Variants in NRXN3 observed in about 807,000 individuals in gnomAD.
NRXN3 encodes neurexin III.
In NRXN3, 32 loss-of-function variants were observed where a neutral mutation model predicts 137.6. The observed-to-expected ratio is 0.23, with a 90% CI of 0.18 to 0.31. NRXN3 has a LOEUF of 0.31. Ranked by LOEUF, NRXN3 falls within the 10% of genes least tolerant of loss-of-function variation. NRXN3 has a pLI of 1.00. For synonymous variants in NRXN3, 798 were observed against 784.5 expected, an observed-to-expected ratio of 1.02 and a Z score of -0.29; for missense variants, 1,574 against 2,062.5, an observed-to-expected ratio of 0.76 and a Z score of 4.59.
chr14:79,267,577 T>C (rs900581597), intron 15 of NRXN3, among the ~76,000 whole-genome samples: 2 of 151,796 alleles, frequency 1.3e-5, no homozygotes, highest in Non-Finnish European at 2.9e-5. Flanking sequence ...AGGCTGGTCT[T>C]GAACTCCTGG....
At chr14:79,094,596 A>G (rs1384465726) in intron 15 of NRXN3, among the ~76,000 whole-genome samples, 3 of 152,222 alleles carry the variant, frequency 2.0e-5, no homozygotes, top group Non-Finnish European at 2.9e-5. Context: ...CTAAGGGATT[A>G]GTATCTTCTG....
intron 16 of NRXN3, among the ~76,000 whole-genome samples, chr14:79,537,045 A>G (rs1304976440): frequency 2.0e-5 from 3 of 152,188 alleles, no homozygotes; most frequent in Non-Finnish European, 4.4e-5. Flanking sequence ...ACTGTTTTCC[A>G]TAATGTTTGA....
intron 4 of NRXN3, among the ~76,000 whole-genome samples, chr14:78,448,488 T>G (rs1185298771): frequency 3.9e-5 from 6 of 152,212 alleles, no homozygotes; most frequent in Non-Finnish European, 8.8e-5. Flanking sequence ...AAGCAGGAGC[T>G]GCTAAAACAC....
chr14:78,359,212 C>G (rs1003056901), intron 4 of NRXN3, among the ~76,000 whole-genome samples: 4 of 152,132 alleles, frequency 2.6e-5, no homozygotes, highest in Non-Finnish European at 5.9e-5. Context: ...TCAACCTTGG[C>G]TGCACATTGG....
At chr14:79,219,833 G>A (rs917501571) in intron 15 of NRXN3, among the ~76,000 whole-genome samples, 5 of 152,140 alleles carry the variant, frequency 3.3e-5, no homozygotes, top group Non-Finnish European at 5.9e-5. Flanking sequence ...TTAGTTTAAT[G>A]ATGCTATAGA....
chr14:79,316,113 T>TCA (rs1211109583), intron 15 of NRXN3, among the ~76,000 whole-genome samples: 1 of 152,122 alleles, frequency 6.6e-6, no homozygotes, highest in Non-Finnish European at 1.5e-5. Context: ...TCTTATTTCT[T>TCA]CACACACACA....
chr14:79,853,929 G>T, intron 20 of NRXN3: 2 of 990,874 alleles, frequency 2.0e-6, no homozygotes, highest in African/African-American at 1.7e-5. Context: ...TTCAAAAATT[G>T]ATGCCCTCCC....
rs113749205 is a variant in NRXN3, at chr14:78,518,194, C to T, written c.758-126926C>T. 6.6e-3 allele frequency among the ~76,000 whole-genome samples: 1,008 copies of T among 152,212 alleles called. 8 individuals are homozygous for T. The highest frequency in any genetic ancestry group is 0.023 in the African/African-American group (950 of 41,528). On this transcript the variant is annotated intron_variant, in intron 4 of 20. Coordinates refer to ENST00000335750, the MANE Select transcript of NRXN3 (RefSeq NM_001330195.2). ...GAACTTTATTTTCAGTGGTTCTTGGCAATTTTAAAGTTCCGGTAGTATAGT... is the reference window on the plus strand; with the variant it reads ...GAACTTTATTTTCAGTGGTTCTTGGTAATTTTAAAGTTCCGGTAGTATAGT...
chr14:78,998,444 C>T (rs577895189), intron 15 of NRXN3, among the ~76,000 whole-genome samples: 11 of 152,264 alleles, frequency 7.2e-5, no homozygotes, highest in African/African-American at 2.6e-4. Flanking sequence ...TAGGGAAAAG[C>T]CTTCAACTCC....
At chr14:78,944,167 G>A (rs1347309942) in intron 10 of NRXN3, among the ~76,000 whole-genome samples, 1 of 152,106 alleles carries the variant, frequency 6.6e-6, no homozygotes, top group African/African-American at 2.4e-5. Flanking sequence ...TTTTCTTCTG[G>A]TATGCAGACC....
At chr14:79,642,387 G>A (rs912555576) in intron 16 of NRXN3, among the ~76,000 whole-genome samples, 1 of 135,516 alleles carries the variant, frequency 7.4e-6, no homozygotes, top group African/African-American at 2.5e-5. Context: ...TTCCATAAAT[G>A]AATTTACATT....
intron 4 of NRXN3, among the ~76,000 whole-genome samples, chr14:78,542,568 G>T (rs1489622702): frequency 6.6e-6 from 1 of 152,196 alleles, no homozygotes; most frequent in Non-Finnish European, 1.5e-5. Context: ...GGGCGGGAGT[G>T]TCCCGTTTTT....
At chr14:78,807,746 A>G (rs1373345786) in intron 9 of NRXN3, among the ~76,000 whole-genome samples, 2 of 132,418 alleles carry the variant, frequency 1.5e-5, no homozygotes, top group African/African-American at 5.6e-5. Context: ...AAAAAAAAAA[A>G]AAAAAAAAAG....
intron 4 of NRXN3, among the ~76,000 whole-genome samples, chr14:78,625,073 C>T (rs988759849): frequency 3.3e-5 from 5 of 152,140 alleles, no homozygotes; most frequent in Non-Finnish European, 7.3e-5. Context: ...AACTCCTGAC[C>T]TCAAGATCCA....
intron 15 of NRXN3, among the ~76,000 whole-genome samples, chr14:79,193,140 CA>C (rs35463097): frequency 0.95 from 142,772 of 149,908 alleles, 68,089 homozygotes; most frequent in Middle Eastern, 0.98. Context: ...GTTTTAAAGA[CA>C]AAAAAAAAAA....
chr14:78,872,710 G>T (rs191454384), intron 10 of NRXN3, among the ~76,000 whole-genome samples: 12 of 152,158 alleles, frequency 7.9e-5, no homozygotes, highest in Admixed American at 5.2e-4. Context: ...CAAAATGTCA[G>T]ATCTTTTCTC....
At chr14:78,480,256 C>T (rs566212653) in intron 4 of NRXN3, among the ~76,000 whole-genome samples, 1 of 152,212 alleles carries the variant, frequency 6.6e-6, no homozygotes, top group African/African-American at 2.4e-5. Context: ...CTCATTGCAT[C>T]TGAGATGTTC....
chr14:78,208,785 C>T (rs371202815), intron 1 of NRXN3, among the ~76,000 whole-genome samples: 7 of 152,276 alleles, frequency 4.6e-5, no homozygotes, highest in South Asian at 2.1e-4. Context: ...TACTGAGTGC[C>T]GGGTCCAACT....
intron 10 of NRXN3, among the ~76,000 whole-genome samples, chr14:78,953,659 C>T (rs2099391206): frequency 6.6e-6 from 1 of 152,158 alleles, no homozygotes; most frequent in Non-Finnish European, 1.5e-5. Flanking sequence ...GTGTCATTAC[C>T]TGGGAAATTC....
Sources: gnomAD v4.1 joint callset for allele counts (sites outside exome capture counted in the v4.1 genomes callset) on GRCh38, gnomAD v4.1.1 for gene constraint, MANE v1.5 for transcripts, NCBI Gene and HGNC (gene_info 2026-07-23, HGNC 2026-07-21) for gene names.